The following RARB variants were observed in gnomAD, a reference collection of about 807,000 sequenced individuals.
RARB encodes HBV-activated protein.
RARB carries 17 observed loss-of-function variants against 51.9 expected under a neutral mutation model. The observed-to-expected ratio is 0.33, with a 90% CI of 0.22 to 0.49. The LOEUF (loss-of-function observed/expected upper bound fraction) is 0.49, where lower values mean the gene tolerates loss of function less well. Ranked by LOEUF, RARB falls within the 20% of genes least tolerant of loss-of-function variation. The pLI is 0.99. For synonymous variants in RARB, 215 were observed against 195.4 expected, an observed-to-expected ratio of 1.10 and a Z score of -0.84; for missense variants, 369 against 550.8, an observed-to-expected ratio of 0.67 and a Z score of 3.30.
intron 5 of RARB, among the ~76,000 whole-genome samples, chr3:25,360,562 A>G (rs1025069577): frequency 1.3e-5 from 2 of 152,128 alleles, no homozygotes; most frequent in East Asian, 3.8e-4. Context: ...GCGGTTTCTT[A>G]AGAGTGTCAA....
chr3:25,519,096 G>T (rs985385685), intron 3 of RARB, among the ~76,000 whole-genome samples: 4 of 152,136 alleles, frequency 2.6e-5, no homozygotes, highest in African/African-American at 9.7e-5. Context: ...ATTTTCCCAT[G>T]TTGCTGCATA....
intron 2 of RARB, among the ~76,000 whole-genome samples, chr3:24,872,890 G>A (rs146549751): frequency 2.0e-3 from 305 of 152,220 alleles, no homozygotes; most frequent in African/African-American, 6.9e-3. Context: ...ATCCCTGCGC[G>A]TTGACTCTCA....
chr3:25,278,380 T>C (rs2125414673), intron 5 of RARB, among the ~76,000 whole-genome samples: 1 of 152,340 alleles, frequency 6.6e-6, no homozygotes, highest in African/African-American at 2.4e-5. Context: ...TCTCTACCCA[T>C]TGGACAGTCC....
Position 24,979,731 on chromosome 3 carries a change from T to A in RARB, c.-379-80394T>A, listed in dbSNP as rs7428497. Among the ~76,000 whole-genome samples, 944 of 152,308 alleles carry A rather than the reference T, an allele frequency of 6.2e-3. 22 individuals carry two copies. The East Asian group carries it at 0.085, about 14-fold the overall frequency. ...AAGGGTCTTGACTCTTTATCCAGTT[T>A]GCCAGCCTGTGTCTTTTAATTGGGA... is the stretch of plus-strand genomic sequence containing the variant. On this transcript the variant is annotated intron_variant, in intron 2 of 11. Transcript: ENST00000383772.
intron 2 of RARB, among the ~76,000 whole-genome samples, chr3:24,980,021 C>T (rs1024611060): frequency 5.9e-5 from 9 of 152,166 alleles, no homozygotes; most frequent in Admixed American, 3.9e-4. Flanking sequence ...TTCTCCTTCA[C>T]TTATGAAGCT....
chr3:25,147,622 C>A (rs762270032), intron 4 of RARB, among the ~76,000 whole-genome samples: 2 of 152,098 alleles, frequency 1.3e-5, no homozygotes, highest in Non-Finnish European at 2.9e-5. Context: ...TTCTTGAATA[C>A]GGAGGATAAA....
At position 25,049,634 on chromosome 3, in the gene RARB, T is replaced by C. The variant is rs1698286953; in HGVS notation, c.-379-10491T>C. Among the ~76,000 whole-genome samples, 4 of 152,200 alleles carry C rather than the reference T, an allele frequency of 2.6e-5. No individual in the cohort carries two copies. The South Asian group carries it at 8.3e-4, about 32-fold the overall frequency. On this transcript the variant is annotated intron_variant, in intron 2 of 11. Coordinates refer to the RARB transcript ENST00000383772. ...TAGTGTTAAAAATTAAAGCATCCTA[T>C]TGGTGTCAGACTTCTGAATAGCGAT... is the stretch of plus-strand genomic sequence containing the variant.
rs879553181 is a variant in RARB, at chr3:25,090,689, CA to C, written c.-328+30518del. Among the ~76,000 whole-genome samples the C allele has an allele frequency of 4.6e-4, 70 of 152,134 alleles. 1 individual carries two copies. The highest frequency in any genetic ancestry group is 5.6e-4 in the Non-Finnish European group (38 of 67,986). On this transcript the variant is annotated intron_variant, in intron 3 of 11. Transcript: ENST00000383772. ...TCCTATATAAACAGTTCAGATCAGA[CA>C]AAAATACTCATGGTACTAAGGAGAC... is the stretch of plus-strand genomic sequence containing the variant.
intron 5 of RARB, among the ~76,000 whole-genome samples, chr3:25,263,665 C>G (rs1703059028): frequency 6.6e-6 from 1 of 152,148 alleles, no homozygotes; most frequent in Non-Finnish European, 1.5e-5. Context: ...CCACCTTGGT[C>G]TTTGGGAAAA....
intron 2 of RARB, among the ~76,000 whole-genome samples, chr3:24,938,248 C>T (rs1362277909): frequency 6.6e-6 from 1 of 152,106 alleles, no homozygotes; most frequent in East Asian, 1.9e-4. Context: ...TGAACACTGG[C>T]AATTTTCTAT....
At chr3:24,885,273 T>G (rs1703246349) in intron 2 of RARB, among the ~76,000 whole-genome samples, 1 of 152,054 alleles carries the variant, frequency 6.6e-6, no homozygotes, top group South Asian at 2.1e-4. Flanking sequence ...TAAGGAACCT[T>G]TAAGTGGCTG....
chr3:25,049,558 T>C (rs1698285017), intron 2 of RARB, among the ~76,000 whole-genome samples: 1 of 152,258 alleles, frequency 6.6e-6, no homozygotes, highest in Admixed American at 6.5e-5. Context: ...ATGCACACTT[T>C]GAATATTTTA....
At chr3:25,268,421 C>T (rs1160076559) in intron 5 of RARB, among the ~76,000 whole-genome samples, 1 of 151,928 alleles carries the variant, frequency 6.6e-6, no homozygotes, top group African/African-American at 2.4e-5. Context: ...TGCCATGTGG[C>T]CTACAAAAGT....
At chr3:24,962,242 T>A (rs1696157814) in intron 2 of RARB, among the ~76,000 whole-genome samples, 1 of 151,968 alleles carries the variant, frequency 6.6e-6, no homozygotes, top group South Asian at 2.1e-4. Flanking sequence ...TTGGGTGTCT[T>A]TTAAAGAATA....
intron 2 of RARB, among the ~76,000 whole-genome samples, chr3:24,913,172 G>C (rs1695033938): frequency 1.3e-5 from 2 of 151,510 alleles, no homozygotes; most frequent in Non-Finnish European, 2.9e-5. Context: ...TTTTAGTAGA[G>C]ACGGGGTTTC....
intron 2 of RARB, among the ~76,000 whole-genome samples, chr3:24,998,449 C>T (rs1456243185): frequency 1.3e-5 from 2 of 151,814 alleles, no homozygotes. Context: ...CTTTCATTGT[C>T]ACCACAAAGA....
chr3:25,150,588 T>C (rs13070019), intron 4 of RARB, among the ~76,000 whole-genome samples: 94,128 of 152,034 alleles, frequency 0.62, 29,343 homozygotes, highest in East Asian at 0.73. Context: ...CTCCACCCTT[T>C]TAAGAAATCC....
intron 2 of RARB, among the ~76,000 whole-genome samples, chr3:25,498,056 A>G (rs1414258882): frequency 1.3e-5 from 2 of 152,228 alleles, no homozygotes; most frequent in Non-Finnish European, 2.9e-5. Flanking sequence ...CACAGTGTCC[A>G]GTATGAGTGA....
At chr3:25,350,833 C>T (rs1246995763) in intron 5 of RARB, among the ~76,000 whole-genome samples, 2 of 152,228 alleles carry the variant, frequency 1.3e-5, no homozygotes, top group African/African-American at 4.8e-5. Context: ...AGGTTTGTCT[C>T]TCTCTGTAGA....
Sources: allele counts gnomAD v4.1 joint callset (sites outside exome capture counted in the v4.1 genomes callset), GRCh38; gene constraint gnomAD v4.1.1; transcripts MANE v1.5; gene names NCBI Gene and HGNC (gene_info 2026-07-23, HGNC 2026-07-21).